Variants in DNM3 observed in about 807,000 individuals in gnomAD.
DNM3 encodes the protein dynamin 3.
In DNM3, 47 loss-of-function variants were observed where a neutral mutation model predicts 101.6. The observed-to-expected ratio is 0.46, with a 90% CI of 0.37 to 0.59. The LOEUF (loss-of-function observed/expected upper bound fraction) is 0.59. DNM3 is among the 20% of genes least tolerant of loss of function. The probability of loss-of-function intolerance (pLI) is 0.00; values close to 1 mark genes in which losing one functional copy is unlikely to be tolerated. For missense variants in DNM3, 849 were observed against 1,085.7 expected (o/e 0.78, Z 3.06); for synonymous variants, 385 against 387.9 (o/e 0.99, Z 0.09).
chr1:172,083,527 G>A lies in DNM3; in HGVS notation c.1493+1625G>A, dbSNP rs569318408. On this transcript the variant is annotated intron_variant, in intron 12 of 20. Coordinates refer to ENST00000627582, the MANE Select transcript of DNM3 (RefSeq NM_015569.5). Reference sequence around the variant, plus strand: ...TTCTTACAAAAATGTAGCAGATGTCGATGTAAACTTGACACAATAACTTAA... The same window carrying A: ...TTCTTACAAAAATGTAGCAGATGTCAATGTAAACTTGACACAATAACTTAA... 4.6e-5 allele frequency among the ~76,000 whole-genome samples: 7 copies of A among 152,218 alleles called. No homozygotes were observed. The East Asian group carries it at 7.7e-4, about 17-fold the overall frequency.
intron 15 of DNM3, among the ~76,000 whole-genome samples, chr1:172,257,972 T>C (rs889286680): frequency 2.0e-4 from 30 of 151,808 alleles, no homozygotes; most frequent in African/African-American, 6.3e-4. Flanking sequence ...TATATATCAT[T>C]CTACTAACTA....
chr1:172,327,483 T>C (rs2065984258), intron 17 of DNM3, among the ~76,000 whole-genome samples: 1 of 152,148 alleles, frequency 6.6e-6, no homozygotes, highest in African/African-American at 2.4e-5. Flanking sequence ...TGAAAACTCA[T>C]CCTCACAATG....
intron 15 of DNM3, among the ~76,000 whole-genome samples, chr1:172,277,040 TC>T (rs2148770451): frequency 6.6e-6 from 1 of 152,190 alleles, no homozygotes; most frequent in South Asian, 2.1e-4. Flanking sequence ...TAGAAATTAT[TC>T]AACCTATAAG....
chr1:172,023,587 C>T (rs1048592482), intron 4 of DNM3, among the ~76,000 whole-genome samples: 3 of 152,042 alleles, frequency 2.0e-5, no homozygotes, highest in Non-Finnish European at 4.4e-5. Context: ...TTTTTAGTAT[C>T]TTTTATCAGT....
chr1:172,052,710 C>T (rs1558489438), intron 10 of DNM3, among the ~76,000 whole-genome samples: 1 of 152,064 alleles, frequency 6.6e-6, no homozygotes, highest in Non-Finnish European at 1.5e-5. Context: ...CCTTCTCTAC[C>T]TCCTTTGAGC....
intron 14 of DNM3, among the ~76,000 whole-genome samples, chr1:172,188,445 C>A (rs586745): frequency 0.49 from 74,341 of 151,886 alleles, 19,902 homozygotes; most frequent in African/African-American, 0.71. Flanking sequence ...AAAGCACCAA[C>A]TCCTAACCAC....
chr1:172,175,584 G>A (rs1255816854), intron 14 of DNM3, among the ~76,000 whole-genome samples: 4 of 151,698 alleles, frequency 2.6e-5, no homozygotes, highest in African/African-American at 9.7e-5. Context: ...AAGTGGTATA[G>A]ATAATAAGTA....
At chr1:172,074,104 C>T (rs1041960889) in intron 11 of DNM3, among the ~76,000 whole-genome samples, 1 of 152,068 alleles carries the variant, frequency 6.6e-6, no homozygotes, top group African/African-American at 2.4e-5. Context: ...AGGCACTGTT[C>T]TAGGCACTGG....
chr1:172,285,888 G>A (rs548372064), intron 15 of DNM3, among the ~76,000 whole-genome samples: 9 of 151,970 alleles, frequency 5.9e-5, no homozygotes, highest in Admixed American at 3.3e-4. Flanking sequence ...CTTAGAGCTC[G>A]CATCTAACTC....
intron 14 of DNM3, among the ~76,000 whole-genome samples, chr1:172,232,978 A>G (rs2061396108): frequency 6.6e-6 from 1 of 152,172 alleles, no homozygotes; most frequent in African/African-American, 2.4e-5. Context: ...AATTAAAAGA[A>G]CTAGAGAAGC....
intron 2 of DNM3, among the ~76,000 whole-genome samples, chr1:171,973,718 C>T (rs1191218327): frequency 6.7e-6 from 1 of 150,162 alleles, no homozygotes; most frequent in Admixed American, 6.7e-5. Flanking sequence ...GTCACCCAGG[C>T]TGGGGCATAA....
chr1:172,305,306 A>T (rs1243908323), intron 15 of DNM3, among the ~76,000 whole-genome samples: 1 of 152,262 alleles, frequency 6.6e-6, no homozygotes, highest in Non-Finnish European at 1.5e-5. Flanking sequence ...ATTCCTGGAC[A>T]CATACACCAT....
Position 172,387,286 on chromosome 1 carries a change from G to T in DNM3, c.2212G>T (p.Asp738Tyr). 6.2e-7 allele frequency: 1 copy of T among 1,613,900 alleles called. No homozygotes were observed. Residue 738 changes from aspartate to tyrosine, a missense_variant, in exon 19 of 21, where the codon GAC becomes TAC. Transcript: ENST00000627582. ...ALKEALGIIG[D>Y]ISTATVSTPA... ...GAAAGAAGCCCTTGGGATAATTGGG[G>T]ACATCAGCACAGCCACCGTGTCCAC...
intron 14 of DNM3, among the ~76,000 whole-genome samples, chr1:172,150,116 T>C (rs1204243990): frequency 3.3e-5 from 5 of 152,158 alleles, no homozygotes; most frequent in African/African-American, 1.2e-4. Flanking sequence ...CATAAGTCTG[T>C]TTAGCTGTGT....
intron 15 of DNM3, among the ~76,000 whole-genome samples, chr1:172,264,290 A>T (rs1033234118): frequency 6.6e-6 from 1 of 152,240 alleles, no homozygotes; most frequent in African/African-American, 2.4e-5. Flanking sequence ...TTTTGTTTCC[A>T]TAGAATTTAT....
chr1:171,865,415 C>CTGAGACTGGAGGATCTCT lies in DNM3; in HGVS notation c.161+23608_161+23625dup, dbSNP rs1317765208. On this transcript the variant is annotated intron_variant, in intron 1 of 20. Transcript: ENST00000627582. ...GCCTGTAGTCCCAGTGCTTGAGAGGCTGAGACTGGAGGATCTCTTGAGACT... is the reference window on the plus strand; with the variant it reads ...GCCTGTAGTCCCAGTGCTTGAGAGGCTGAGACTGGAGGATCTCTTGAGACTGGAGGATCTCTTGAGACT... 4.7e-5 allele frequency among the ~76,000 whole-genome samples: 7 copies of CTGAGACTGGAGGATCTCT among 147,580 alleles called. No individual in the cohort carries two copies. The East Asian group carries it at 1.2e-3, about 26-fold the overall frequency.
rs138321517 is a variant in DNM3 at position 172,311,470 on chromosome 1, C to T, written c.1881+2631C>T. On this transcript the variant is annotated intron_variant, in intron 16 of 20. Coordinates refer to ENST00000627582, the MANE Select transcript of DNM3 (RefSeq NM_015569.5). ...AACAAAAATAATGCTTAGCCAGGCA[C>T]GGTGGCACACACCTGTGATCCCAGC... Among the ~76,000 whole-genome samples, 26 of 152,204 alleles carry T rather than the reference C, an allele frequency of 1.7e-4. 1 individual carries two copies. The East Asian group carries it at 4.6e-3, about 27-fold the overall frequency.
At chr1:172,298,553 G>A (rs753732787) in intron 15 of DNM3, among the ~76,000 whole-genome samples, 2 of 152,108 alleles carry the variant, frequency 1.3e-5, no homozygotes, top group African/African-American at 2.4e-5. Flanking sequence ...CCTAAAGCTA[G>A]AAAGTGCCAC....
intron 1 of DNM3, among the ~76,000 whole-genome samples, chr1:171,847,553 G>A (rs2032317641): frequency 1.3e-5 from 2 of 151,902 alleles, no homozygotes; most frequent in Non-Finnish European, 2.9e-5. Context: ...AAAAGAGATT[G>A]GAGAGATTAA....
Sources: allele counts gnomAD v4.1 joint callset (sites outside exome capture counted in the v4.1 genomes callset), GRCh38; gene constraint gnomAD v4.1.1; transcripts MANE v1.5; gene names NCBI Gene and HGNC (gene_info 2026-07-23, HGNC 2026-07-21).